RPTOR: variants seen among roughly 807,000 people sequenced by gnomAD.
The protein encoded by RPTOR is regulatory associated protein of MTOR complex 1.
In RPTOR, 21 loss-of-function variants were observed where a neutral mutation model predicts 169.9. The ratio of observed to expected loss-of-function variants is 0.12; its 90% CI spans 0.09 to 0.18. RPTOR has a LOEUF of 0.18. Ranked by LOEUF, RPTOR falls within the 10% of genes least tolerant of loss-of-function variation. RPTOR has a pLI of 1.00. For missense variants in RPTOR, 1,133 were observed against 1,855.9 expected (o/e 0.61, Z 7.16); for synonymous variants, 732 against 753.2 (o/e 0.97, Z 0.46).
intron 1 of RPTOR, among the ~76,000 whole-genome samples, chr17:80,599,770 C>T (rs2065171952): frequency 6.6e-6 from 1 of 152,154 alleles, no homozygotes; most frequent in Non-Finnish European, 1.5e-5. Context: ...GGGAACGTGT[C>T]ATTGCACGCT....
intron 4 of RPTOR, among the ~76,000 whole-genome samples, chr17:80,711,837 G>A (rs2066195878): frequency 6.9e-6 from 1 of 145,218 alleles, no homozygotes; most frequent in African/African-American, 2.6e-5. Context: ...TCCGCCTCCT[G>A]GGTTCAAGCA....
At chr17:80,897,639 T>C (rs1481128573) in intron 20 of RPTOR, among the ~76,000 whole-genome samples, 3 of 152,226 alleles carry the variant, frequency 2.0e-5, no homozygotes, top group Non-Finnish European at 4.4e-5. Context: ...AGCTATTTCT[T>C]TGGGCGCTCC....
chr17:80,638,700 G>T (rs141660184), intron 2 of RPTOR, among the ~76,000 whole-genome samples: 6 of 152,318 alleles, frequency 3.9e-5, no homozygotes, highest in African/African-American at 1.4e-4. Context: ...GAAAGAAGGG[G>T]GTTAACTGCT....
chr17:80,856,123 G>T (rs887819009), intron 12 of RPTOR, among the ~76,000 whole-genome samples: 29 of 152,218 alleles, frequency 1.9e-4, no homozygotes, highest in Admixed American at 1.7e-3. Flanking sequence ...ACAGAGTCAA[G>T]GAAACTCGAG....
intron 6 of RPTOR, among the ~76,000 whole-genome samples, chr17:80,760,363 G>A (rs1045281371): frequency 1.6e-4 from 23 of 145,846 alleles, no homozygotes; most frequent in Non-Finnish European, 3.0e-4. Flanking sequence ...GTGCAGTGGC[G>A]TGATCTCGGC....
Position 80,803,465 on chromosome 17 carries a change from G to T in RPTOR, c.890+11956G>T, listed in dbSNP as rs1200220469. 1 of 152,454 alleles carries T rather than the reference G, an allele frequency of 6.6e-6. No homozygotes were observed. The highest frequency in any genetic ancestry group is 1.5e-5 in the Non-Finnish European group (1 of 68,234). The allele number at this position is 152,454 out of a possible 1,614,324, so 9.4% of individuals were successfully genotyped here. A position where few individuals can be genotyped will look rare whatever the true frequency, so the allele number is the denominator to read the frequency against. On this transcript the variant is annotated intron_variant, in intron 7 of 33. Transcript: ENST00000306801. The surrounding 1 kb of genome is among the most constrained non-coding windows in gnomAD (Gnocchi z 6.2). Reference sequence around the variant, plus strand: ...TGCACAGTCCCCTCTGTCAGAGCCTGGTCGCTGTGCCCTGTGGCCCTTCAG... The same window carrying T: ...TGCACAGTCCCCTCTGTCAGAGCCTTGTCGCTGTGCCCTGTGGCCCTTCAG...
At chr17:80,632,417 A>T (rs1321346689) in intron 2 of RPTOR, among the ~76,000 whole-genome samples, 1 of 152,182 alleles carries the variant, frequency 6.6e-6, no homozygotes, top group Non-Finnish European at 1.5e-5. Flanking sequence ...CTGAGCTTTT[A>T]TCAGAGCTCA....
chr17:80,624,710 T>A (rs2065379680), intron 1 of RPTOR, among the ~76,000 whole-genome samples: 1 of 152,254 alleles, frequency 6.6e-6, no homozygotes, highest in Admixed American at 6.5e-5. Flanking sequence ...AATCTTTATC[T>A]TGTATCATAT....
chr17:80,613,950 C>T (rs1300468852), intron 1 of RPTOR, among the ~76,000 whole-genome samples: 1 of 152,244 alleles, frequency 6.6e-6, no homozygotes, highest in African/African-American at 2.4e-5. Context: ...TGAGTGGATT[C>T]CTGCCCCAGA....
chr17:80,567,798 T>TAAATA (rs1192613067), intron 1 of RPTOR, among the ~76,000 whole-genome samples: 1 of 136,690 alleles, frequency 7.3e-6, no homozygotes, highest in African/African-American at 2.5e-5. Flanking sequence ...TATCAAAAAA[T>TAAATA]AAATAAAATA....
At chr17:80,907,180 A>G (rs1452009005) in intron 20 of RPTOR, among the ~76,000 whole-genome samples, 1 of 152,198 alleles carries the variant, frequency 6.6e-6, no homozygotes, top group Non-Finnish European at 1.5e-5. Flanking sequence ...CAGCTCTTTC[A>G]CCAACAATCA....
At chr17:80,893,939 G>C in intron 20 of RPTOR, 74 bp downstream of exon 20, 1 of 1,395,342 alleles carries the variant, frequency 7.2e-7, no homozygotes, top group Non-Finnish European at 9.5e-7. Context: ...GCACAGACCT[G>C]TGTCTGCATC....
At chr17:80,755,050 C>T (rs2066666442) in intron 6 of RPTOR, among the ~76,000 whole-genome samples, 1 of 152,122 alleles carries the variant, frequency 6.6e-6, no homozygotes, top group South Asian at 2.1e-4. Flanking sequence ...AGTAAGGGCC[C>T]CCAGGGACAC....
chr17:80,633,692 T>A lies in RPTOR; in HGVS notation c.265+7899T>A, dbSNP rs1345787733. ...TTCCCCTTTGTAGTTGATAGGTATT[T>A]TCGGGAAGAAGTGCTTTGAGATTGT... On this transcript the variant is annotated intron_variant, in intron 2 of 33. Transcript: ENST00000306801. This position sits in a 1 kb window ranked among gnomAD's most constrained non-coding sequence, Gnocchi z 4.1. Among the ~76,000 whole-genome samples, 6 of 152,222 alleles carry A rather than the reference T, an allele frequency of 3.9e-5. No individual in the cohort carries two copies. The highest frequency in any genetic ancestry group is 8.8e-5 in the Non-Finnish European group (6 of 68,036).
intron 24 of RPTOR, among the ~76,000 whole-genome samples, chr17:80,935,314 A>G (rs1459940869): frequency 3.9e-5 from 6 of 152,240 alleles, no homozygotes; most frequent in Admixed American, 3.9e-4. Context: ...AACCCCAATC[A>G]AAACCCCAAT....
At chr17:80,916,812 T>C (rs2068679009) in intron 21 of RPTOR, among the ~76,000 whole-genome samples, 1 of 152,058 alleles carries the variant, frequency 6.6e-6, no homozygotes, top group African/African-American at 2.4e-5. Context: ...CCAGCCTGGC[T>C]AAGAGTCTCT....
intron 20 of RPTOR, among the ~76,000 whole-genome samples, chr17:80,904,107 G>A (rs1172349908): frequency 1.3e-5 from 2 of 152,190 alleles, no homozygotes; most frequent in African/African-American, 4.8e-5. Flanking sequence ...TCTTCCCTGT[G>A]GGCAGCTGCA....
At chr17:80,546,016 T>G (rs753212879) in intron 1 of RPTOR, among the ~76,000 whole-genome samples, 5 of 151,934 alleles carry the variant, frequency 3.3e-5, no homozygotes, top group Non-Finnish European at 5.9e-5. Flanking sequence ...CAATTCCAAC[T>G]AAGTTCTAAT....
intron 3 of RPTOR, among the ~76,000 whole-genome samples, chr17:80,680,838 C>A (rs780642749): frequency 2.6e-5 from 4 of 152,076 alleles, no homozygotes; most frequent in Non-Finnish European, 5.9e-5. Flanking sequence ...GTATAAAATC[C>A]CACGTCGCAC....
Sources: allele counts gnomAD v4.1 joint callset (sites outside exome capture counted in the v4.1 genomes callset), GRCh38; gene constraint gnomAD v4.1.1; non-coding constraint Gnocchi (gnomAD v3.1); transcripts MANE v1.5; gene names NCBI Gene and HGNC (gene_info 2026-07-23, HGNC 2026-07-21).